The following LYST variants were observed in gnomAD, a reference collection of about 807,000 sequenced individuals.
LYST encodes lysosomal-trafficking regulator.
Under a neutral mutation model 413.6 loss-of-function variants are expected in LYST, and 192 were observed. The ratio of observed to expected loss-of-function variants is 0.46; its 90% confidence interval spans 0.41 to 0.52. The LOEUF is 0.52. LYST is among the 20% of genes least tolerant of loss of function. LYST has a pLI of 0.00. For synonymous variants in LYST, 1,525 were observed against 1,567.3 expected (o/e 0.97, Z 0.64); for missense variants, 3,815 against 4,499.9 (o/e 0.85, Z 4.35).
In LYST at chr1:235,854,989, T is replaced by C. The variant is rs1005794170; in HGVS notation, c.-98+11854A>G. ...AAAGTATGCAATACCTGCTACAATT[T>C]AGCTTTTCCAAACTCCCAACACATA... On this transcript the variant is annotated intron_variant, in intron 1 of 52. Transcript: ENST00000389793. This position sits in a 1 kb window ranked among gnomAD's most constrained non-coding sequence, Gnocchi z 4.1. Among the ~76,000 whole-genome samples the C allele has an allele frequency of 6.6e-6, 1 of 152,218 alleles. No individual in the cohort carries two copies. Among genetic ancestry groups the C allele is most frequent in the Non-Finnish European group, 1.5e-5 (1 of 68,038 alleles).
At chr1:235,717,780 C>T (rs1047379114) in intron 40 of LYST, among the ~76,000 whole-genome samples, 3 of 151,286 alleles carry the variant, frequency 2.0e-5, no homozygotes, top group Admixed American at 6.6e-5. Context: ...CTAATTTTGT[C>T]TTTGAGATTT....
At chr1:235,845,470 C>T (rs575475581) in intron 1 of LYST, among the ~76,000 whole-genome samples, 23 of 152,240 alleles carry the variant, frequency 1.5e-4, no homozygotes, top group South Asian at 8.3e-4. Flanking sequence ...AATTTGAACG[C>T]GGTGAGAAGC....
chr1:235,808,745 A>C lies in LYST; in HGVS notation c.2073T>G (p.Asp691Glu), dbSNP rs375448708. 8 of 1,614,034 alleles carry C rather than the reference A, an allele frequency of 5.0e-6. No homozygotes were observed. The highest frequency in any genetic ancestry group is 6.8e-6 in the Non-Finnish European group (8 of 1,179,984). ...SGSEDLLWKW[D>E]ALKAYQNFVF... ...CAAAGTTCTGATAAGCCTTTAAAGC[A>C]TCCCATTTCCACAACAAATCTTCAG... is the stretch of plus-strand genomic sequence containing the variant. Residue 691 changes from aspartate (D) to glutamate (E), a missense_variant, in exon 5 of 53, where the codon GAT becomes GAG. By Grantham distance (45) the Asp-to-Glu change is conservative. Around this residue, in one of 4 missense-constraint regions of LYST, gnomAD observed 1,648 missense variants for 1,810.3 expected, o/e 0.91. Coordinates refer to ENST00000389793, the MANE Select transcript of LYST (RefSeq NM_000081.4).
At position 235,712,156 on chromosome 1, in the gene LYST, T is replaced by C. The variant is rs549860428; in HGVS notation, c.9826A>G (p.Asn3276Asp). ...AAAGATGAGAGTCGCCAAGTTGTAT[T>C]TGTAGAATGAAAAGTTCTGTCTGGA... ...DIPDRTFHSTNTTWRLSSFES... is the reference protein window; with the variant it reads ...DIPDRTFHSTDTTWRLSSFES... Residue 3276 changes from asparagine to aspartate, a missense_variant, in exon 43 of 53, where the codon AAT becomes GAT. Asn to Asp is a conservative substitution (Grantham distance 23). Coordinates refer to ENST00000389793, the MANE Select transcript of LYST (RefSeq NM_000081.4). 6.3e-7 allele frequency: 1 copy of C among 1,584,528 alleles called. No homozygotes were observed.
intron 28 of LYST, among the ~76,000 whole-genome samples, chr1:235,750,348 G>A (rs1216519385): frequency 6.6e-6 from 1 of 152,170 alleles, no homozygotes; most frequent in African/African-American, 2.4e-5. Context: ...ACATACTACT[G>A]CAAAACAATG....
At chr1:235,685,877 AAAAG>A (rs1244895248) in intron 48 of LYST, among the ~76,000 whole-genome samples, 11 of 152,098 alleles carry the variant, frequency 7.2e-5, no homozygotes, top group Middle Eastern at 3.4e-3. Context: ...AACAAACAAA[AAAAG>A]AAAACGAAGA....
chr1:235,695,574 G>A (rs1178764116), intron 46 of LYST, among the ~76,000 whole-genome samples: 1 of 151,576 alleles, frequency 6.6e-6, no homozygotes, highest in African/African-American at 2.4e-5. Flanking sequence ...AATGCAAAGT[G>A]ATAATACCTG....
chr1:235,862,194 C>T (rs1480184846), intron 1 of LYST, among the ~76,000 whole-genome samples: 1 of 152,234 alleles, frequency 6.6e-6, no homozygotes, highest in Admixed American at 6.5e-5. Context: ...GAAGTCCCAT[C>T]TGCTTTAACC....
At chr1:235,681,227 A>G (rs910158314) in intron 48 of LYST, among the ~76,000 whole-genome samples, 1 of 152,190 alleles carries the variant, frequency 6.6e-6, no homozygotes, top group Non-Finnish European at 1.5e-5. Context: ...AATGGCTGTC[A>G]AAGGGCACTC....
At chr1:235,867,957 C>A (rs540828980), upstream of LYST, among the ~76,000 whole-genome samples, 1 of 152,262 alleles carries the variant, frequency 6.6e-6, no homozygotes, top group South Asian at 2.1e-4. Context: ...AGCCTATATA[C>A]CAAATGTTAC....
Position 235,715,231 on chromosome 1 carries a change from G to C in LYST, c.9754C>G (p.Pro3252Ala). 6.2e-7 allele frequency: 1 copy of C among 1,613,954 alleles called. No homozygotes were observed. The highest frequency in any genetic ancestry group is 8.5e-7 in the Non-Finnish European group (1 of 1,179,960). ...TVLHFLVRMPPFTKMFLAYQD... is the reference protein window; with the variant it reads ...TVLHFLVRMPAFTKMFLAYQD... ...TAGGCTAAAAACATTTTAGTGAAAG[G>C]AGGCATCCTGACCAGGAAGTGAAGC... The change falls in exon 42 of 53, where the codon CCT becomes GCT. Residue 3252 changes from proline (P) to alanine (A), a missense_variant. Pro to Ala is a conservative substitution (Grantham distance 27). Coordinates refer to ENST00000389793, the MANE Select transcript of LYST (RefSeq NM_000081.4).
intron 14 of LYST, among the ~76,000 whole-genome samples, chr1:235,782,597 T>C (rs992709832): frequency 2.6e-5 from 4 of 152,172 alleles, no homozygotes; most frequent in African/African-American, 7.2e-5. Context: ...CAAAGAGAGA[T>C]ACCTGATGAT....
chr1:235,672,294 A>C (rs150208537), intron 50 of LYST, among the ~76,000 whole-genome samples: 1 of 152,320 alleles, frequency 6.6e-6, no homozygotes, highest in East Asian at 1.9e-4. Context: ...ACTTTGGATA[A>C]GATCACCTAG....
intron 40 of LYST, among the ~76,000 whole-genome samples, chr1:235,719,949 G>A (rs997549137): frequency 2.0e-5 from 3 of 151,966 alleles, no homozygotes; most frequent in African/African-American, 7.2e-5. Context: ...AGGCCAAGGT[G>A]GGTGGATCAC....
In LYST at chr1:235,703,712, C is replaced by T. The variant is rs138244387; in HGVS notation, c.10144-735G>A. Among the ~76,000 whole-genome samples the T allele has an allele frequency of 4.7e-4, 72 of 152,260 alleles. 1 individual carries two copies. In the East Asian group the frequency reaches 0.011, roughly 23 times the overall value. ...ATTTCAGAAGTTAGGTCATCTTCAA[C>T]TCCATTCTCCTCACCACAACTCCCA... On this transcript the variant is annotated intron_variant, in intron 44 of 52. Transcript: ENST00000389793.
intron 1 of LYST, among the ~76,000 whole-genome samples, chr1:235,835,438 GCAGCTGGT>G (rs983474299): frequency 1.3e-5 from 2 of 152,098 alleles, no homozygotes; most frequent in African/African-American, 4.8e-5. Context: ...GTGAAAGCTG[GCAGCTGGT>G]CAGCTAGATC....
chr1:235,826,240 T>C lies in LYST; in HGVS notation c.192+3986A>G, dbSNP rs75740940. 3.0e-4 allele frequency among the ~76,000 whole-genome samples: 46 copies of C among 152,310 alleles called. No individual in the cohort carries two copies. In the East Asian group the frequency reaches 8.9e-3, roughly 29 times the overall value. ...AACAGTTGGGCAGTTTCTTACAAAATTAAACAAACATTACCCTTTGCCCAC... is the reference window on the plus strand; with the variant it reads ...AACAGTTGGGCAGTTTCTTACAAAACTAAACAAACATTACCCTTTGCCCAC... On this transcript the variant is annotated intron_variant, in intron 3 of 52. Coordinates refer to ENST00000389793, the MANE Select transcript of LYST (RefSeq NM_000081.4).
At chr1:235,764,051 TCATAAATTA>T (rs966381421) in intron 21 of LYST, among the ~76,000 whole-genome samples, 10 of 152,156 alleles carry the variant, frequency 6.6e-5, no homozygotes, top group African/African-American at 2.4e-4. Context: ...AAGCCTTGTT[TCATAAATTA>T]CATTTCAGCA....
At position 235,788,782 on chromosome 1, in the gene LYST, C is replaced by T. The variant is rs1229921405; in HGVS notation, c.4607G>A (p.Cys1536Tyr). The change falls in exon 13 of 53, where the codon TGT becomes TAT. Residue 1536 changes from cysteine to tyrosine, a missense_variant. Around this residue, in one of 4 missense-constraint regions of LYST, gnomAD observed 1,648 missense variants for 1,810.3 expected, o/e 0.91. Transcript: ENST00000389793. ...GGATCCCAGTGAAATTATATGAATA[C>T]ATCCTTCTTCTATGAGTCTTTCACC... Reference protein sequence around the residue: ...NPGERLIEEGCIHIISLGSKA... With the variant: ...NPGERLIEEGYIHIISLGSKA... 4 of 1,613,054 alleles carry T rather than the reference C, an allele frequency of 2.5e-6. No homozygotes were observed. The highest frequency in any genetic ancestry group is 3.4e-6 in the Non-Finnish European group (4 of 1,179,082).
Sources: allele counts gnomAD v4.1 joint callset (sites outside exome capture counted in the v4.1 genomes callset), GRCh38; gene constraint gnomAD v4.1.1; regional missense constraint gnomAD v4.1.1; non-coding constraint Gnocchi (gnomAD v3.1); transcripts MANE v1.5; gene names NCBI Gene and HGNC (gene_info 2026-07-23, HGNC 2026-07-21).